CCNJL: variants seen among roughly 807,000 people sequenced by gnomAD.
The protein encoded by CCNJL is cyclin-J-like protein.
In CCNJL, 33 loss-of-function variants were observed where a neutral mutation model predicts 33.4. The ratio of observed to expected loss-of-function variants is 0.99; its 90% CI spans 0.75 to 1.32. CCNJL has a LOEUF of 1.32. Ranked by LOEUF, CCNJL falls within the 40% of genes most tolerant of loss-of-function variation. The pLI, the probability that CCNJL is intolerant of heterozygous loss-of-function variation, is 0.00. For synonymous variants in CCNJL, 227 were observed against 220.9 expected (o/e 1.03, Z -0.24); for missense variants, 512 against 499.7 (o/e 1.02, Z -0.23).
At chr5:160,257,910 G>T (rs533159409) in intron 4 of CCNJL, among the ~76,000 whole-genome samples, 3 of 150,920 alleles carry the variant, frequency 2.0e-5, no homozygotes, top group Admixed American at 1.3e-4. Flanking sequence ...TCAATGGCAC[G>T]ATCTCGGCTC....
intron 2 of CCNJL, among the ~76,000 whole-genome samples, chr5:160,285,541 T>G (rs1163733875): frequency 6.6e-6 from 1 of 152,182 alleles, no homozygotes; most frequent in East Asian, 1.9e-4. Flanking sequence ...AGGGAAGTCG[T>G]GACCAACTCT....
chr5:160,255,441 AACC>A (rs1761016709), intron 5 of CCNJL, 105 bp downstream of exon 5: 2 of 996,906 alleles, frequency 2.0e-6, no homozygotes, highest in Non-Finnish European at 3.0e-6. Flanking sequence ...TAGCTGGAAG[AACC>A]ACCACAAGTT....
At chr5:160,333,677 T>C (rs1763640434) in intron 1 of CCNJL, among the ~76,000 whole-genome samples, 1 of 151,980 alleles carries the variant, frequency 6.6e-6, no homozygotes, top group African/African-American at 2.4e-5. Flanking sequence ...AGTTGTTTTC[T>C]GTCCCTCTCC....
chr5:160,261,978 T>C (rs1045746498), intron 3 of CCNJL, among the ~76,000 whole-genome samples: 2 of 152,240 alleles, frequency 1.3e-5, no homozygotes, highest in Non-Finnish European at 2.9e-5. Flanking sequence ...TTTAGGCCAT[T>C]TGAATTTTTC....
chr5:160,315,238 G>T (rs1348083114), upstream of CCNJL: 1 of 173,740 alleles, frequency 5.8e-6, no homozygotes, highest in African/African-American at 2.4e-5. Flanking sequence ...CACACTGGCA[G>T]GCTGAGGTGG....
rs1220334652 is a variant in CCNJL at position 160,322,647 on chromosome 5, C to T, written n.207-7142G>A. On this transcript the variant is annotated intron_variant and non_coding_transcript_variant, in intron 1 of 7. Transcript: ENST00000377503. Reference sequence around the variant, plus strand: ...CCTCGGCTGGGCGCGGTGGCTCACGCCTGTAATCCCAGCACTTTGGGAGGC... The same window carrying T: ...CCTCGGCTGGGCGCGGTGGCTCACGTCTGTAATCCCAGCACTTTGGGAGGC... Among the ~76,000 whole-genome samples the T allele has an allele frequency of 5.3e-5, 8 of 150,860 alleles. No individual in the cohort carries two copies. The East Asian group carries it at 1.6e-3, about 30-fold the overall frequency.
intron 3 of CCNJL, chr5:160,276,422 A>AAAAAAG (rs1762014923): frequency 6.6e-6 from 1 of 151,876 alleles, no homozygotes; most frequent in Non-Finnish European, 1.5e-5. Flanking sequence ...TCTCAAAAAA[A>AAAAAAG]AAAAAGAAAA....
intron 1 of CCNJL, among the ~76,000 whole-genome samples, chr5:160,331,333 C>T (rs1340568123): frequency 6.6e-6 from 1 of 151,442 alleles, no homozygotes; most frequent in Non-Finnish European, 1.5e-5. Flanking sequence ...ACACCATTCT[C>T]CTGCCTCAGC....
intron 2 of CCNJL, among the ~76,000 whole-genome samples, chr5:160,303,702 G>C (rs181772771): frequency 0.011 from 926 of 86,042 alleles, 7 homozygotes; most frequent in African/African-American, 0.042. Context: ...CTGTGTGTCT[G>C]TGTGTGTGTG....
chr5:160,296,512 G>A (rs1002167390), intron 2 of CCNJL, among the ~76,000 whole-genome samples: 5 of 152,156 alleles, frequency 3.3e-5, no homozygotes, highest in Non-Finnish European at 5.9e-5. Flanking sequence ...AGATGCCATC[G>A]CTTTGGGGCG....
At chr5:160,308,702 G>A (rs1763170679) in intron 2 of CCNJL, among the ~76,000 whole-genome samples, 1 of 152,232 alleles carries the variant, frequency 6.6e-6, no homozygotes, top group Non-Finnish European at 1.5e-5. Flanking sequence ...AGGTTGCACT[G>A]AGCTGATAGT....
At chr5:160,321,590 T>G (rs889442704) in intron 1 of CCNJL, among the ~76,000 whole-genome samples, 55 of 152,306 alleles carry the variant, frequency 3.6e-4, no homozygotes, top group African/African-American at 1.2e-3. Context: ...TATGAAAAAT[T>G]TCTTGATTAC....
At chr5:160,254,632 C>T (rs766585427) in intron 5 of CCNJL, 10 of 308,700 alleles carry the variant, frequency 3.2e-5, no homozygotes, top group East Asian at 5.3e-5. Context: ...ACCCAGGATA[C>T]GCAGTGCCTG....
In CCNJL at chr5:160,289,553, G is replaced by T. The variant is rs150388461; in HGVS notation, c.67-8815C>A. On this transcript the variant is annotated intron_variant, in intron 2 of 5. Transcript: ENST00000257536. ...TGAGACCAGAGGAGCCATTCTGGGG[G>T]AAGGAGAGGTGGCTGCCCCTTTAGA... is the stretch of plus-strand genomic sequence containing the variant. Among the ~76,000 whole-genome samples, 290 of 152,134 alleles carry T rather than the reference G, an allele frequency of 1.9e-3. 3 individuals carry two copies. Among genetic ancestry groups the T allele is most frequent in the African/African-American group, 6.6e-3 (272 of 41,492 alleles).
intron 2 of CCNJL, among the ~76,000 whole-genome samples, chr5:160,290,058 C>T (rs982416962): frequency 6.6e-6 from 1 of 152,188 alleles, no homozygotes; most frequent in Non-Finnish European, 1.5e-5. Context: ...TGAGGCTAAC[C>T]TCGGAGGGGT....
At chr5:160,280,987 G>T (rs1289074065) in intron 2 of CCNJL, 1 of 587,850 alleles carries the variant, frequency 1.7e-6, no homozygotes, top group East Asian at 3.1e-5. Flanking sequence ...TCCTTCCCAT[G>T]GGAAAGGTTT....
intron 4 of CCNJL, among the ~76,000 whole-genome samples, chr5:160,258,053 C>A (rs1480240503): frequency 6.6e-6 from 1 of 151,902 alleles, no homozygotes; most frequent in Non-Finnish European, 1.5e-5. Context: ...ACTATGTTGG[C>A]CAGGCTGGTC....
intron 1 of CCNJL, among the ~76,000 whole-genome samples, chr5:160,321,074 C>G (rs572022320): frequency 8.9e-6 from 1 of 112,216 alleles, no homozygotes; most frequent in Non-Finnish European, 1.7e-5. Context: ...TTCTTTCTTT[C>G]TTTCTTTCTT....
intron 2 of CCNJL, chr5:160,281,252 T>C (rs1361948969): frequency 5.8e-6 from 1 of 172,436 alleles, no homozygotes. Context: ...CATCTAATTC[T>C]TTCTGAGGGT....
Sources: allele counts gnomAD v4.1 joint callset (sites outside exome capture counted in the v4.1 genomes callset), GRCh38; gene constraint gnomAD v4.1.1; transcripts MANE v1.5; gene names NCBI Gene and HGNC (gene_info 2026-07-23, HGNC 2026-07-21).